Variants in GRID1 observed in about 807,000 individuals in gnomAD.
The protein encoded by GRID1 is glutamate receptor ionotropic, delta-1.
A neutral mutation model predicts 98.0 loss-of-function variants in GRID1; 28 were observed. The ratio of observed to expected loss-of-function variants is 0.29; its 90% confidence interval spans 0.21 to 0.39. The LOEUF (loss-of-function observed/expected upper bound fraction) is 0.39, where lower values mean the gene tolerates loss of function less well. Among genes scored for constraint, GRID1 ranks in the 10% least tolerant of loss-of-function variants. GRID1 has a pLI of 1.00. For missense variants in GRID1, 1,111 were observed against 1,340.5 expected, an observed-to-expected ratio of 0.83 and a Z score of 2.67; for synonymous variants, 553 against 538.5, an observed-to-expected ratio of 1.03 and a Z score of -0.37.
intron 2 of GRID1, among the ~76,000 whole-genome samples, chr10:86,280,678 G>A (rs1847345534): frequency 6.6e-6 from 1 of 152,082 alleles, no homozygotes; most frequent in South Asian, 2.1e-4. Context: ...AGCTTTCAAG[G>A]CCATGACCTG....
At chr10:86,051,453 A>C (rs1051014423) in intron 4 of GRID1, among the ~76,000 whole-genome samples, 23 of 152,124 alleles carry the variant, frequency 1.5e-4, no homozygotes, top group African/African-American at 5.5e-4. Context: ...CAGAAGACAT[A>C]AAAGAAAAAG....
chr10:86,030,435 G>A (rs566158848), intron 4 of GRID1, among the ~76,000 whole-genome samples: 10 of 152,318 alleles, frequency 6.6e-5, no homozygotes, highest in Non-Finnish European at 1.0e-4. Flanking sequence ...GTATATTAAC[G>A]TTTCAGCTAC....
Position 85,802,849 on chromosome 10 carries a change from AC to A in GRID1, c.1233+51646del, listed in dbSNP as rs1842589769. On this transcript the variant is annotated intron_variant, in intron 8 of 15. Coordinates refer to ENST00000327946, the MANE Select transcript of GRID1 (RefSeq NM_017551.3). ...ATCCAAGCAGAATAAACACACACACACACACACACACACACACACACACACA... is the reference window on the plus strand; with the variant it reads ...ATCCAAGCAGAATAAACACACACACAACACACACACACACACACACACACA... Among the ~76,000 whole-genome samples the A allele has an allele frequency of 2.1e-5, 3 of 140,672 alleles. No homozygotes were observed. In the Admixed American group the frequency reaches 2.1e-4, roughly 10 times the overall value. The allele number at this position is 140,672 out of a possible 152,430, so 92.3% of individuals were successfully genotyped here.
chr10:85,717,338 A>T (rs1841651277), intron 12 of GRID1, among the ~76,000 whole-genome samples: 2 of 152,116 alleles, frequency 1.3e-5, no homozygotes, highest in Non-Finnish European at 2.9e-5. Flanking sequence ...AAAAAGGTTT[A>T]ATTGGACTTA....
At chr10:86,140,040 A>G (rs943164106) in intron 3 of GRID1, among the ~76,000 whole-genome samples, 2 of 152,190 alleles carry the variant, frequency 1.3e-5, no homozygotes, top group Non-Finnish European at 2.9e-5. Context: ...CCCTGGGTGC[A>G]TGTGAGGCTG....
chr10:86,075,487 C>T (rs1395361741), intron 4 of GRID1, among the ~76,000 whole-genome samples: 1 of 152,130 alleles, frequency 6.6e-6, no homozygotes, highest in Admixed American at 6.5e-5. Flanking sequence ...TCAGAAGGAA[C>T]CAATCCTGCC....
intron 8 of GRID1, among the ~76,000 whole-genome samples, chr10:85,784,153 G>A (rs2140666): frequency 0.68 from 102,939 of 152,164 alleles, 35,130 homozygotes; most frequent in East Asian, 0.87. Flanking sequence ...CTGAAACATG[G>A]ACCTTCTCTT....
At chr10:86,014,190 A>G (rs952583766) in intron 4 of GRID1, among the ~76,000 whole-genome samples, 1 of 152,236 alleles carries the variant, frequency 6.6e-6, no homozygotes. Flanking sequence ...AGGATGCTGT[A>G]TGGAACTCAC....
chr10:86,090,611 A>G (rs1352049777), intron 4 of GRID1, among the ~76,000 whole-genome samples: 2 of 152,184 alleles, frequency 1.3e-5, no homozygotes, highest in East Asian at 3.8e-4. Context: ...AAGTACTTGA[A>G]GAAATAATGG....
chr10:85,626,098 C>T (rs562151498), intron 13 of GRID1, among the ~76,000 whole-genome samples: 8 of 152,336 alleles, frequency 5.3e-5, no homozygotes, highest in Admixed American at 5.2e-4. Context: ...AGACAGGTGC[C>T]TGTAGTGCCA....
chr10:85,616,422 AG>A (rs1400352995), intron 14 of GRID1, among the ~76,000 whole-genome samples: 1 of 152,178 alleles, frequency 6.6e-6, no homozygotes, highest in Non-Finnish European at 1.5e-5. Flanking sequence ...CTTCTGGCCC[AG>A]GGGATGGTGA....
chr10:86,137,190 G>C (rs1022305362), intron 4 of GRID1, among the ~76,000 whole-genome samples: 2 of 152,208 alleles, frequency 1.3e-5, no homozygotes, highest in African/African-American at 4.8e-5. Flanking sequence ...AAATCCTCTA[G>C]AACGAAAATG....
intron 2 of GRID1, among the ~76,000 whole-genome samples, chr10:86,230,716 G>A (rs1846437691): frequency 6.6e-6 from 1 of 152,134 alleles, no homozygotes; most frequent in African/African-American, 2.4e-5. Context: ...TACTTCAAGA[G>A]TTTGCTCAGT....
chr10:86,209,896 C>T (rs943745784), intron 2 of GRID1, among the ~76,000 whole-genome samples: 1 of 152,178 alleles, frequency 6.6e-6, no homozygotes, highest in African/African-American at 2.4e-5. Context: ...CCTCTCTGAG[C>T]CTCAGTTTCC....
intron 4 of GRID1, among the ~76,000 whole-genome samples, chr10:85,947,446 T>C (rs192181935): frequency 4.6e-5 from 7 of 152,294 alleles, no homozygotes; most frequent in Non-Finnish European, 7.4e-5. Flanking sequence ...TTTAAAAATA[T>C]GTATGTAGAG....
intron 2 of GRID1, among the ~76,000 whole-genome samples, chr10:86,212,022 T>C (rs1366465153): frequency 1.3e-5 from 2 of 152,136 alleles, no homozygotes; most frequent in African/African-American, 4.8e-5. Flanking sequence ...AGGTGGGTGC[T>C]GGAGGTGAGA....
intron 3 of GRID1, among the ~76,000 whole-genome samples, chr10:86,167,177 G>A (rs1845411544): frequency 6.6e-6 from 1 of 152,204 alleles, no homozygotes; most frequent in Non-Finnish European, 1.5e-5. Flanking sequence ...ATCTATTGGG[G>A]GACCAAGGAG....
At chr10:85,649,611 T>C (rs1413238521) in intron 12 of GRID1, among the ~76,000 whole-genome samples, 5 of 152,100 alleles carry the variant, frequency 3.3e-5, no homozygotes, top group Non-Finnish European at 5.9e-5. Flanking sequence ...CTGCTCTAAA[T>C]TGCTGCAGTT....
rs1022303865 is a variant in GRID1, at chr10:86,171,550, G to A, written c.521-32526C>T. 8.5e-4 allele frequency among the ~76,000 whole-genome samples: 129 copies of A among 152,200 alleles called. 1 individual carries two copies. Among genetic ancestry groups the A allele is most frequent in the African/African-American group, 2.8e-3 (115 of 41,458 alleles). On this transcript the variant is annotated intron_variant, in intron 3 of 15. Coordinates refer to ENST00000327946, the MANE Select transcript of GRID1 (RefSeq NM_017551.3). ...GTGAAGATGTCAGCAGGGCTCAGGC[G>A]TTCACATAAGTCCCATGGGAAAAGA...
Sources: gnomAD v4.1 joint callset for allele counts (sites outside exome capture counted in the v4.1 genomes callset) on GRCh38, gnomAD v4.1.1 for gene constraint, MANE v1.5 for transcripts, NCBI Gene and HGNC (gene_info 2026-07-23, HGNC 2026-07-21) for gene names.